The following ANGPT1 variants were observed in gnomAD, a reference collection of about 807,000 sequenced individuals.
ANGPT1 encodes angiopoietin-1.
ANGPT1 carries 17 observed loss-of-function variants against 62.2 expected under a neutral mutation model. The observed-to-expected ratio is 0.27, with a 90% CI of 0.19 to 0.41. The LOEUF (loss-of-function observed/expected upper bound fraction) is 0.41, where lower values mean the gene tolerates loss of function less well. ANGPT1 is among the 10% of genes least tolerant of loss of function. ANGPT1 has a pLI of 1.00. For missense variants in ANGPT1, 478 were observed against 594.9 expected (o/e 0.80, Z 2.04); for synonymous variants, 199 against 198.9 (o/e 1.00, Z 0.00).
At chr8:107,354,213 T>A (rs1030692777) in intron 1 of ANGPT1, among the ~76,000 whole-genome samples, 5 of 152,206 alleles carry the variant, frequency 3.3e-5, no homozygotes, top group Admixed American at 6.5e-5. Flanking sequence ...ACCTCTCTTC[T>A]ACACCTACCT....
At chr8:107,317,670 G>A (rs920164557) in intron 4 of ANGPT1, among the ~76,000 whole-genome samples, 20 of 146,324 alleles carry the variant, frequency 1.4e-4, no homozygotes, top group African/African-American at 5.1e-4. Flanking sequence ...TTACTCTGTT[G>A]CCCAGGCTGG....
In ANGPT1 at chr8:107,475,322, C is replaced by A. The variant is rs551939624; in HGVS notation, c.297+21940G>T. 6.6e-5 allele frequency among the ~76,000 whole-genome samples: 10 copies of A among 152,244 alleles called. No homozygotes were observed. The South Asian group carries it at 2.1e-3, about 32-fold the overall frequency. ...TGATCTTTGATAAACCTGACAAAAA[C>A]AAGAAATAGGGGAAAGCATTCCCTA... On this transcript the variant is annotated intron_variant, in intron 1 of 8. Coordinates refer to ENST00000517746, the MANE Select transcript of ANGPT1 (RefSeq NM_001146.5).
At chr8:107,304,233 CATT>C (rs1396223628) in intron 4 of ANGPT1, among the ~76,000 whole-genome samples, 1 of 151,614 alleles carries the variant, frequency 6.6e-6, no homozygotes, top group Non-Finnish European at 1.5e-5. Flanking sequence ...GAGCTTTATC[CATT>C]ATTAACTTCT....
At chr8:107,445,898 A>G (rs751954518) in intron 1 of ANGPT1, among the ~76,000 whole-genome samples, 49 of 152,140 alleles carry the variant, frequency 3.2e-4, no homozygotes, top group Admixed American at 1.6e-3. Flanking sequence ...AATGTTTATT[A>G]TTTAATTAAT....
At chr8:107,295,734 C>T (rs1217871075) in intron 5 of ANGPT1, among the ~76,000 whole-genome samples, 1 of 152,008 alleles carries the variant, frequency 6.6e-6, no homozygotes. Context: ...TTTGAGGTAG[C>T]ACAGATATCC....
At chr8:107,361,543 TAGAA>T in intron 1 of ANGPT1, among the ~76,000 whole-genome samples, 1 of 27,364 alleles carries the variant, frequency 3.7e-5, no homozygotes, top group Non-Finnish European at 8.9e-5. Context: ...TATATCAATA[TAGAA>T]TATATGTATA....
At position 107,370,346 on chromosome 8, in the gene ANGPT1, A is replaced by AAG. The variant is rs1408092359; in HGVS notation, c.298-23251_298-23250dup. 2.3e-4 allele frequency among the ~76,000 whole-genome samples: 4 copies of AAG among 17,702 alleles called. 1 individual carries two copies. The highest frequency in any genetic ancestry group is 6.8e-4 in the Non-Finnish European group (4 of 5,904). 11.6% of individuals were successfully genotyped at this position (17,702 alleles called of 152,430 possible). On this transcript the variant is annotated intron_variant, in intron 1 of 8. Transcript: ENST00000517746. Reference sequence around the variant, plus strand: ...AAGAGAAAGGAAAGAAAGAAAAAGAAAGAAAGAAAGAAAGAAAGAAAGAAA... The same window carrying AAG: ...AAGAGAAAGGAAAGAAAGAAAAAGAAAGAGAAAGAAAGAAAGAAAGAAAGAAA...
intron 1 of ANGPT1, among the ~76,000 whole-genome samples, chr8:107,483,482 C>T (rs996833006): frequency 6.6e-6 from 1 of 152,068 alleles, no homozygotes. Flanking sequence ...GTTTCACCTT[C>T]ACAAGTGTTT....
At chr8:107,469,288 C>A (rs148684701) in intron 1 of ANGPT1, among the ~76,000 whole-genome samples, 3 of 152,064 alleles carry the variant, frequency 2.0e-5, no homozygotes, top group African/African-American at 7.2e-5. Flanking sequence ...CTGTGTATCT[C>A]TTCTCTGCTG....
chr8:107,260,370 TTGA>T (rs1337023040), intron 8 of ANGPT1, among the ~76,000 whole-genome samples: 1 of 152,202 alleles, frequency 6.6e-6, no homozygotes, highest in African/African-American at 2.4e-5. Context: ...AAAGCTTTAA[TTGA>T]TGATGACAAA....
chr8:107,386,234 C>G (rs961648412), intron 1 of ANGPT1, among the ~76,000 whole-genome samples: 1 of 151,842 alleles, frequency 6.6e-6, no homozygotes, highest in Non-Finnish European at 1.5e-5. Flanking sequence ...GACAAGAGGG[C>G]CCATTTGAGG....
At chr8:107,410,431 AG>A (rs1817244480) in intron 1 of ANGPT1, among the ~76,000 whole-genome samples, 1 of 152,102 alleles carries the variant, frequency 6.6e-6, no homozygotes, top group Non-Finnish European at 1.5e-5. Context: ...ACATGCTAAA[AG>A]GCTCCCTTTT....
intron 1 of ANGPT1, among the ~76,000 whole-genome samples, chr8:107,382,537 GA>G (rs5893855): frequency 1.9e-4 from 28 of 150,512 alleles, no homozygotes; most frequent in Non-Finnish European, 3.4e-4. Flanking sequence ...CTTTGAAAAA[GA>G]AAAAAAAAGT....
In ANGPT1 at chr8:107,251,632, T is replaced by C. The variant is rs951880000; in HGVS notation, c.*223A>G. On this transcript the variant is annotated 3_prime_UTR_variant, in exon 9 of 9. Coordinates refer to ENST00000517746, the MANE Select transcript of ANGPT1 (RefSeq NM_001146.5). Reference sequence around the variant, plus strand: ...TAAAGCCCGACAGTCAGTGGAGTTTTCTATAGTCGAGCCACGTGAGCACTG... The same window carrying C: ...TAAAGCCCGACAGTCAGTGGAGTTTCCTATAGTCGAGCCACGTGAGCACTG... 1.2e-5 allele frequency: 6 copies of C among 497,814 alleles called. No individual in the cohort carries two copies. The highest frequency in any genetic ancestry group is 1.1e-4 in the African/African-American group (6 of 52,182). 30.8% of individuals were successfully genotyped at this position (497,814 alleles called of 1,614,324 possible). A position where few individuals can be genotyped will look rare whatever the true frequency, so the allele number is the denominator to read the frequency against.
chr8:107,393,681 G>T (rs1005887916), intron 1 of ANGPT1, among the ~76,000 whole-genome samples: 10 of 152,178 alleles, frequency 6.6e-5, no homozygotes, highest in African/African-American at 1.9e-4. Context: ...GTGGTGGCAG[G>T]CACCTGCAGT....
At chr8:107,441,296 T>A (rs968665040) in intron 1 of ANGPT1, among the ~76,000 whole-genome samples, 1 of 152,212 alleles carries the variant, frequency 6.6e-6, no homozygotes, top group Non-Finnish European at 1.5e-5. Flanking sequence ...AACTTCAACA[T>A]ACATACTGGT....
chr8:107,493,057 A>G (rs995162233), intron 1 of ANGPT1, among the ~76,000 whole-genome samples: 1 of 150,582 alleles, frequency 6.6e-6, no homozygotes, highest in African/African-American at 2.4e-5. Flanking sequence ...AAGTAGTTAC[A>G]AGGTCCCTTA....
At chr8:107,366,128 A>G (rs1439100498) in intron 1 of ANGPT1, among the ~76,000 whole-genome samples, 1 of 152,214 alleles carries the variant, frequency 6.6e-6, no homozygotes, top group Admixed American at 6.5e-5. Context: ...AATATTATTT[A>G]TTATGTTATC....
intron 4 of ANGPT1, among the ~76,000 whole-genome samples, chr8:107,317,961 T>G (rs1040795497): frequency 6.6e-6 from 1 of 152,166 alleles, no homozygotes; most frequent in African/African-American, 2.4e-5. Context: ...TCACAGTAAC[T>G]GATTACTCTC....
Sources: allele counts gnomAD v4.1 joint callset (sites outside exome capture counted in the v4.1 genomes callset), GRCh38; gene constraint gnomAD v4.1.1; transcripts MANE v1.5; gene names NCBI Gene and HGNC (gene_info 2026-07-23, HGNC 2026-07-21).